Variants in DACH1 observed in about 807,000 individuals in gnomAD.
The protein encoded by DACH1 is dachshund family transcription factor 1.
A neutral mutation model predicts 54.2 loss-of-function variants in DACH1; 12 were observed. The ratio of observed to expected loss-of-function variants is 0.22; its 90% CI spans 0.14 to 0.36. The LOEUF is 0.36. DACH1 is among the 10% of genes least tolerant of loss of function. The pLI is 1.00. For synonymous variants in DACH1, 386 were observed against 366.2 expected (o/e 1.05, Z -0.62); for missense variants, 805 against 929.8 (o/e 0.87, Z 1.75).
At chr13:71,725,714 C>T (rs1196532794) in intron 1 of DACH1, among the ~76,000 whole-genome samples, 1 of 151,848 alleles carries the variant, frequency 6.6e-6, no homozygotes, top group East Asian at 1.9e-4. Context: ...TTTGGGATGG[C>T]AATCATCATT....
intron 1 of DACH1, among the ~76,000 whole-genome samples, chr13:71,814,435 T>C (rs1323788755): frequency 6.6e-6 from 1 of 152,232 alleles, no homozygotes; most frequent in Non-Finnish European, 1.5e-5. Context: ...AAAGAGATAA[T>C]ATTTTAAAAA....
At chr13:71,766,181 T>C (rs1344876055) in intron 1 of DACH1, among the ~76,000 whole-genome samples, 2 of 152,148 alleles carry the variant, frequency 1.3e-5, no homozygotes, top group East Asian at 1.9e-4. Context: ...CCACCACGCC[T>C]GGCCTCAAAA....
rs201438111 is a variant in DACH1, at chr13:71,458,195, T to TA, written c.2083+16945dup. 7.2e-4 allele frequency among the ~76,000 whole-genome samples: 110 copies of TA among 151,774 alleles called. 2 individuals carry two copies. The East Asian group carries it at 0.019, about 26-fold the overall frequency. ...AATTTACTATATTGATTTCAGAATT[T>TA]AAAAAAAACAGCAGAGGCCAGATTT... On this transcript the variant is annotated intron_variant, in intron 10 of 10. Coordinates refer to ENST00000613252, the MANE Select transcript of DACH1 (RefSeq NM_080759.6).
intron 2 of DACH1, among the ~76,000 whole-genome samples, chr13:71,652,103 A>G (rs1878730623): frequency 6.6e-6 from 1 of 152,194 alleles, no homozygotes; most frequent in Admixed American, 6.5e-5. Flanking sequence ...TAATAAATGC[A>G]AATGCTTATA....
chr13:71,785,942 A>T (rs576482027), intron 1 of DACH1, among the ~76,000 whole-genome samples: 45 of 152,154 alleles, frequency 3.0e-4, no homozygotes, highest in Non-Finnish European at 6.0e-4. Flanking sequence ...ACTAGCAAGC[A>T]AGTACCAGAG....
chr13:71,821,068 T>C (rs1888165781), intron 1 of DACH1, among the ~76,000 whole-genome samples: 1 of 152,192 alleles, frequency 6.6e-6, no homozygotes, highest in Non-Finnish European at 1.5e-5. Context: ...GAAAAGTTCA[T>C]AAGTGGACAT....
chr13:71,735,627 T>TGTGTATATGGGATATAC (rs1566468528), intron 1 of DACH1, among the ~76,000 whole-genome samples: 1 of 149,752 alleles, frequency 6.7e-6, no homozygotes, highest in Non-Finnish European at 1.5e-5. Context: ...ATATGGCATA[T>TGTGTATATGGGATATAC]GTGTATATGG....
intron 1 of DACH1, among the ~76,000 whole-genome samples, chr13:71,777,067 T>A (rs941781069): frequency 6.6e-6 from 1 of 152,196 alleles, no homozygotes; most frequent in African/African-American, 2.4e-5. Context: ...GTAATTCCTG[T>A]TATCAAATAT....
At chr13:71,785,854 C>T (rs1257961823) in intron 1 of DACH1, among the ~76,000 whole-genome samples, 1 of 152,128 alleles carries the variant, frequency 6.6e-6, no homozygotes, top group East Asian at 1.9e-4. Context: ...TTTCTTCTAC[C>T]TATTTTTGCA....
chr13:71,704,101 A>G, intron 1 of DACH1: 1 of 164,326 alleles, frequency 6.1e-6, no homozygotes, highest in Admixed American at 6.3e-5. Flanking sequence ...AAAATACAAT[A>G]TATTTAAGTA....
chr13:71,489,182 TTACGC>T, intron 6 of DACH1, 34 bp from the exon 7 acceptor site: 1 of 1,596,710 alleles, frequency 6.3e-7, no homozygotes, highest in Middle Eastern at 1.7e-4. Flanking sequence ...ATAGAACAAG[TTACGC>T]TTGTCTGTTT....
intron 2 of DACH1, among the ~76,000 whole-genome samples, chr13:71,658,502 A>T (rs1416613863): frequency 6.6e-6 from 1 of 152,134 alleles, no homozygotes; most frequent in Admixed American, 6.6e-5. Flanking sequence ...GTAAGCTGAG[A>T]TCGTGCCACT....
chr13:71,444,458 C>T (rs1320755009), intron 10 of DACH1, among the ~76,000 whole-genome samples: 2 of 151,788 alleles, frequency 1.3e-5, no homozygotes, highest in African/African-American at 4.8e-5. Context: ...CAGAGGGAAC[C>T]GAGACCTTGT....
At chr13:71,811,004 C>T (rs185767881) in intron 1 of DACH1, among the ~76,000 whole-genome samples, 4 of 151,966 alleles carry the variant, frequency 2.6e-5, no homozygotes, top group East Asian at 1.9e-4. Context: ...CATTTTTTTT[C>T]AATAATATCC....
intron 6 of DACH1, among the ~76,000 whole-genome samples, chr13:71,538,324 A>G (rs1882931739): frequency 1.3e-5 from 2 of 152,040 alleles, no homozygotes; most frequent in African/African-American, 4.8e-5. Context: ...AGGGTAGATA[A>G]TCCCAACTAG....
intron 6 of DACH1, among the ~76,000 whole-genome samples, chr13:71,515,690 T>C (rs1174568508): frequency 6.6e-6 from 1 of 151,826 alleles, no homozygotes; most frequent in East Asian, 1.9e-4. Context: ...ATATTTCCCA[T>C]TTAGCTAGTG....
chr13:71,561,707 T>A (rs1007856761), intron 4 of DACH1, among the ~76,000 whole-genome samples: 3 of 152,108 alleles, frequency 2.0e-5, no homozygotes, highest in African/African-American at 7.2e-5. Flanking sequence ...AGGTCTAAAA[T>A]GGGACCCAGA....
intron 6 of DACH1, among the ~76,000 whole-genome samples, chr13:71,519,883 G>GTATATATATATA (rs57190375): frequency 0.016 from 475 of 29,366 alleles, 53 homozygotes; most frequent in Middle Eastern, 0.042. Flanking sequence ...AACCAAAGTA[G>GTATATATATATA]TATATATATA....
At chr13:71,625,042 C>T (rs1233065251) in intron 3 of DACH1, among the ~76,000 whole-genome samples, 4 of 151,918 alleles carry the variant, frequency 2.6e-5, no homozygotes, top group Admixed American at 2.6e-4. Context: ...TATACAAAGA[C>T]ACCTGTCATA....
Sources: allele counts gnomAD v4.1 joint callset (sites outside exome capture counted in the v4.1 genomes callset), GRCh38; gene constraint gnomAD v4.1.1; transcripts MANE v1.5; gene names NCBI Gene and HGNC (gene_info 2026-07-23, HGNC 2026-07-21).